Variants in SEZ6L observed in about 807,000 individuals in gnomAD.
SEZ6L encodes the protein seizure 6-like protein.
In SEZ6L, 37 loss-of-function variants were observed where a neutral mutation model predicts 106.2. The observed-to-expected ratio is 0.35, with a 90% confidence interval of 0.27 to 0.46. SEZ6L has a LOEUF of 0.46. SEZ6L is among the 20% of genes least tolerant of loss of function. The probability of loss-of-function intolerance (pLI) is 1.00; values close to 1 mark genes in which losing one functional copy is unlikely to be tolerated. For synonymous variants in SEZ6L, 541 were observed against 570.4 expected, an observed-to-expected ratio of 0.95 and a Z score of 0.73; for missense variants, 1,172 against 1,332.8, an observed-to-expected ratio of 0.88 and a Z score of 1.88.
chr22:26,371,489 T>G (rs1397258455), intron 13 of SEZ6L, among the ~76,000 whole-genome samples: 1 of 152,092 alleles, frequency 6.6e-6, no homozygotes, highest in Non-Finnish European at 1.5e-5. Context: ...CAAATGTAGC[T>G]GGGCATGGTG....
intron 3 of SEZ6L, among the ~76,000 whole-genome samples, chr22:26,294,894 TTG>T (rs1569450041): frequency 1.4e-5 from 2 of 146,602 alleles, no homozygotes; most frequent in Non-Finnish European, 3.0e-5. Context: ...TCTTTCTTGC[TTG>T]CTTGCTTGCT....
intron 1 of SEZ6L, among the ~76,000 whole-genome samples, chr22:26,254,869 T>G (rs1260385165): frequency 6.6e-6 from 1 of 152,000 alleles, no homozygotes; most frequent in East Asian, 1.9e-4. Context: ...TAGAGGGATA[T>G]CCTACACAGC....
chr22:26,323,922 T>C (rs1194816492), intron 9 of SEZ6L, among the ~76,000 whole-genome samples: 1 of 152,100 alleles, frequency 6.6e-6, no homozygotes, highest in Non-Finnish European at 1.5e-5. Flanking sequence ...AATATCTACA[T>C]CACGTCAGTG....
chr22:26,250,963 C>G (rs779624997), intron 1 of SEZ6L, among the ~76,000 whole-genome samples: 1 of 152,086 alleles, frequency 6.6e-6, no homozygotes, highest in African/African-American at 2.4e-5. Flanking sequence ...TTCTTTTCAG[C>G]TAGTTTGTTG....
chr22:26,204,999 T>C (rs1941202963), intron 1 of SEZ6L, among the ~76,000 whole-genome samples: 1 of 152,258 alleles, frequency 6.6e-6, no homozygotes, highest in Non-Finnish European at 1.5e-5. Flanking sequence ...AACAGACCCA[T>C]GTCAGGTAAT....
At chr22:26,207,015 T>C (rs1182435564) in intron 1 of SEZ6L, among the ~76,000 whole-genome samples, 1 of 152,256 alleles carries the variant, frequency 6.6e-6, no homozygotes, top group Admixed American at 6.5e-5. Flanking sequence ...TTCTTCTTAA[T>C]GCATCTAAAA....
In SEZ6L at chr22:26,345,967, T is replaced by A. The variant is rs138964691; in HGVS notation, c.2213-1752T>A. On this transcript the variant is annotated intron_variant, in intron 10 of 16. Coordinates refer to ENST00000248933, the MANE Select transcript of SEZ6L (RefSeq NM_021115.5). The stretch of plus-strand genomic sequence containing the variant: ...GTATGGTTCATTTTCACTAATGATA[T>A]GCAATTGGATTTGAAGAATATACCA... Among the ~76,000 whole-genome samples the A allele has an allele frequency of 2.4e-3, 359 of 152,290 alleles. 1 individual carries two copies. Among genetic ancestry groups the A allele is most frequent in the African/African-American group, 8.1e-3 (338 of 41,552 alleles).
intron 9 of SEZ6L, among the ~76,000 whole-genome samples, chr22:26,331,772 C>T (rs1001223628): frequency 6.6e-6 from 1 of 152,146 alleles, no homozygotes; most frequent in Non-Finnish European, 1.5e-5. Context: ...CACCTGAGGT[C>T]AGGAGTTTGA....
rs5997057 is a variant in SEZ6L at position 26,239,129 on chromosome 22, C to T, written c.95-53277C>T. 5.9e-4 allele frequency among the ~76,000 whole-genome samples: 90 copies of T among 152,252 alleles called. 2 individuals carry two copies. The highest frequency in any genetic ancestry group is 2.0e-3 in the African/African-American group (83 of 41,544). On this transcript the variant is annotated intron_variant, in intron 1 of 16. Transcript: ENST00000248933. ...GTCCCAGCTACTTGGGAGGCTGAGG[C>T]GGGAGGATTACATGAATCCAGGAAT...
At chr22:26,302,020 G>A (rs1349744029) in intron 5 of SEZ6L, among the ~76,000 whole-genome samples, 2 of 152,154 alleles carry the variant, frequency 1.3e-5, no homozygotes, top group Non-Finnish European at 2.9e-5. Flanking sequence ...GGTCAGAGTG[G>A]ATCCATGGAA....
At chr22:26,273,832 G>A (rs1200788893) in intron 1 of SEZ6L, among the ~76,000 whole-genome samples, 1 of 152,136 alleles carries the variant, frequency 6.6e-6, no homozygotes, top group Non-Finnish European at 1.5e-5. Context: ...GGATGGGATA[G>A]AATAGAATAG....
At chr22:26,231,511 C>T (rs1406189663) in intron 1 of SEZ6L, among the ~76,000 whole-genome samples, 1 of 152,138 alleles carries the variant, frequency 6.6e-6, no homozygotes, top group South Asian at 2.1e-4. Flanking sequence ...GAAGGGATGC[C>T]TCTATCTGTA....
intron 1 of SEZ6L, among the ~76,000 whole-genome samples, chr22:26,243,165 C>T (rs2079195501): frequency 2.0e-5 from 3 of 152,168 alleles, no homozygotes; most frequent in South Asian, 2.1e-4. Context: ...CTCATCTTAA[C>T]TTGATTATAT....
intron 10 of SEZ6L, among the ~76,000 whole-genome samples, chr22:26,345,183 T>C (rs776603478): frequency 6.6e-6 from 1 of 151,958 alleles, no homozygotes; most frequent in African/African-American, 2.4e-5. Flanking sequence ...GGGTGCTTGG[T>C]AAAAATGCAT....
At position 26,351,513 on chromosome 22, in the gene SEZ6L, TTTTG is replaced by T. The variant is rs1184191772; in HGVS notation, c.2599+301_2599+304del. On this transcript the variant is annotated intron_variant, in intron 12 of 16. Coordinates refer to ENST00000248933, the MANE Select transcript of SEZ6L (RefSeq NM_021115.5). Reference sequence around the variant, plus strand: ...CCTGGGAGCATAGTATACTTTGTTTTTTTGTTTGTTTGTTTGTTTGTTTGTTTGT... The same window carrying T: ...CCTGGGAGCATAGTATACTTTGTTTTTTTGTTTGTTTGTTTGTTTGTTTGT... 526 of 321,512 alleles carry T rather than the reference TTTTG, an allele frequency of 1.6e-3. 2 individuals are homozygous for T. Among genetic ancestry groups the T allele is most frequent in the Middle Eastern group, 2.6e-3 (3 of 1,142 alleles). 19.9% of individuals were successfully genotyped at this position (321,512 alleles called of 1,614,324 possible). A position where few individuals can be genotyped will look rare whatever the true frequency, so the allele number is the denominator to read the frequency against.
At chr22:26,218,044 G>A (rs1185785412) in intron 1 of SEZ6L, among the ~76,000 whole-genome samples, 4 of 152,180 alleles carry the variant, frequency 2.6e-5, no homozygotes, top group African/African-American at 9.7e-5. Context: ...TCCTGCCGTT[G>A]ATAAACACAC....
chr22:26,348,656 A>AAGAAAG (rs1365219763), intron 11 of SEZ6L, among the ~76,000 whole-genome samples: 1 of 46,640 alleles, frequency 2.1e-5, no homozygotes, highest in African/African-American at 9.4e-5. Context: ...AAAAGAAAGA[A>AAGAAAG]AGAAAGAAAG....
chr22:26,251,913 A>G (rs2079605770), intron 1 of SEZ6L, among the ~76,000 whole-genome samples: 1 of 152,000 alleles, frequency 6.6e-6, no homozygotes, highest in African/African-American at 2.4e-5. Flanking sequence ...GCTCCTCCCC[A>G]TGCATCTCCC....
chr22:26,238,044 G>A (rs1467976891), intron 1 of SEZ6L, among the ~76,000 whole-genome samples: 1 of 152,178 alleles, frequency 6.6e-6, no homozygotes, highest in Non-Finnish European at 1.5e-5. Flanking sequence ...GTTCCCCGGG[G>A]GAGATGGAAG....
Sources: gnomAD v4.1 joint callset for allele counts (sites outside exome capture counted in the v4.1 genomes callset) on GRCh38, gnomAD v4.1.1 for gene constraint, MANE v1.5 for transcripts, NCBI Gene and HGNC (gene_info 2026-07-23, HGNC 2026-07-21) for gene names.